The following DNM1 variants were observed in gnomAD, a reference collection of about 807,000 sequenced individuals.
DNM1 encodes the protein dynamin-1.
In DNM1, 29 loss-of-function variants were observed where a neutral mutation model predicts 104.6. The ratio of observed to expected loss-of-function variants is 0.28; its 90% CI spans 0.21 to 0.38. The LOEUF is 0.38. DNM1 is among the 10% of genes least tolerant of loss of function. The probability of loss-of-function intolerance (pLI) is 1.00; values close to 1 mark genes in which losing one functional copy is unlikely to be tolerated. For missense variants in DNM1, 640 were observed against 1,189.4 expected (o/e 0.54, Z 6.79); for synonymous variants, 445 against 475.8 (o/e 0.94, Z 0.84).
chr9:128,251,307 T>G, intron 21 of DNM1: 22 of 406,770 alleles, frequency 5.4e-5, no homozygotes, highest in Non-Finnish European at 8.3e-5. Context: ...TTCCGTCCAA[T>G]TCCTCTCCCA....
intron 9 of DNM1, chr9:128,223,555 C>T (rs1323053733): frequency 6.6e-6 from 1 of 152,330 alleles, no homozygotes; most frequent in South Asian, 2.1e-4. Flanking sequence ...TTCCTGATAA[C>T]TGCACTGGCC....
chr9:128,249,229 G>C (rs990289826), intron 19 of DNM1, among the ~76,000 whole-genome samples: 1 of 151,082 alleles, frequency 6.6e-6, no homozygotes, highest in Non-Finnish European at 1.5e-5. Flanking sequence ...ATAATGAGGG[G>C]CTGTGCACGG....
At chr9:128,213,801 A>G (rs1049455514) in intron 1 of DNM1, among the ~76,000 whole-genome samples, 6 of 152,156 alleles carry the variant, frequency 3.9e-5, no homozygotes, top group African/African-American at 1.4e-4. Flanking sequence ...ATATTGTGAC[A>G]AACAAGTCTA....
At position 128,248,920 on chromosome 9, in the gene DNM1, C is replaced by T. The variant is rs1340242102; in HGVS notation, c.2076+167C>T. Among the ~76,000 whole-genome samples the T allele has an allele frequency of 3.9e-5, 6 of 152,094 alleles. No individual in the cohort carries two copies. Among genetic ancestry groups the T allele is most frequent in the Non-Finnish European group, 8.8e-5 (6 of 68,004 alleles). ...TAGAAATATCATGAGGGGCTGGGCG[C>T]GGTGGCTCACACCTGTAATCCCAGC... On this transcript the variant is annotated intron_variant, in intron 19 of 21. Transcript: ENST00000372923. This position sits in a 1 kb window ranked among gnomAD's most constrained non-coding sequence, Gnocchi z 5.6.
At position 128,253,610 on chromosome 9, in the gene DNM1, C is replaced by G. The variant is rs967170865; in HGVS notation, c.2535-1044C>G. The G allele has an allele frequency of 3.5e-5, 7 of 202,536 alleles. No individual in the cohort carries two copies. The Admixed American group carries it at 3.9e-4, about 11-fold the overall frequency. 12.5% of individuals were successfully genotyped at this position (202,536 alleles called of 1,614,324 possible). ...GCATCCAGCTCCCAGCCTGGGAGTG[C>G]TGAGAGCCAAATCCACCGTAGAGCA... On this transcript the variant is annotated intron_variant, in intron 21 of 21. Coordinates refer to ENST00000372923, the MANE Select transcript of DNM1 (RefSeq NM_004408.4). The surrounding 1 kb of genome is among the most constrained non-coding windows in gnomAD (Gnocchi z 5.9).
intron 11 of DNM1, among the ~76,000 whole-genome samples, chr9:128,238,208 CTGTTTGTTTGTTTGTTTGTT>C (rs59218725): frequency 6.6e-6 from 1 of 151,348 alleles, no homozygotes; most frequent in Non-Finnish European, 1.5e-5. Flanking sequence ...TAAAAAGCCT[CTGTTTGTTTGTTTGTTTGTT>C]TGTTTGTTTG....
At chr9:128,213,974 C>G (rs1332371370) in intron 1 of DNM1, among the ~76,000 whole-genome samples, 1 of 152,032 alleles carries the variant, frequency 6.6e-6, no homozygotes, top group Non-Finnish European at 1.5e-5. Flanking sequence ...CTGGGGGTAG[C>G]CTCACCTCCT....
At chr9:128,208,983 AG>A (rs1290527227) in intron 1 of DNM1, among the ~76,000 whole-genome samples, 3 of 152,106 alleles carry the variant, frequency 2.0e-5, no homozygotes, top group African/African-American at 7.2e-5. Flanking sequence ...TGAAGGATGA[AG>A]GGCAGTGTGG....
At position 128,220,941 on chromosome 9, in the gene DNM1, T is replaced by G. The variant is rs1411118328; in HGVS notation, c.849+600T>G. Reference sequence around the variant, plus strand: ...TCTTTCTTTCTTTCTTTCTTTTCTTTTCTTTCTTTCTTTCCTTTCTTCTTT... The same window carrying G: ...TCTTTCTTTCTTTCTTTCTTTTCTTGTCTTTCTTTCTTTCCTTTCTTCTTT... On this transcript the variant is annotated intron_variant, in intron 6 of 21. Transcript: ENST00000372923. This position sits in a 1 kb window ranked among gnomAD's most constrained non-coding sequence, Gnocchi z 5.2. Among the ~76,000 whole-genome samples, 1 of 139,882 alleles carries G rather than the reference T, an allele frequency of 7.1e-6. No homozygotes were observed. Among genetic ancestry groups the G allele is most frequent in the African/African-American group, 2.6e-5 (1 of 38,756 alleles). 91.8% of individuals were successfully genotyped at this position (139,882 alleles called of 152,430 possible).
At position 128,254,492 on chromosome 9, in the gene DNM1, T is replaced by G. The variant is rs986228898; in HGVS notation, c.2535-162T>G. ...TTCCTCCCCTTTCCCTTCCAGCCCC[T>G]TTTCCAGGAACCTTGCCACACCCAC... On this transcript the variant is annotated intron_variant, in intron 21 of 21. Transcript: ENST00000372923. This position sits in a 1 kb window ranked among gnomAD's most constrained non-coding sequence, Gnocchi z 6.1. The G allele has an allele frequency of 1.6e-5, 24 of 1,509,388 alleles. No homozygotes were observed. The highest frequency in any genetic ancestry group is 2.0e-5 in the Non-Finnish European group (23 of 1,136,970). The allele number at this position is 1,509,388 out of a possible 1,614,324, so 93.5% of individuals were successfully genotyped here.
At position 128,247,702 on chromosome 9, in the gene DNM1, T is replaced by C. The variant is rs1836912258; in HGVS notation, c.1893+216T>C. Among the ~76,000 whole-genome samples the C allele has an allele frequency of 6.6e-6, 1 of 152,230 alleles. No homozygotes were observed. The highest frequency in any genetic ancestry group is 1.5e-5 in the Non-Finnish European group (1 of 68,030). ...TGGCAGTTTTGTGTCTCTGTCTCTG[T>C]TGCAGATGGCATTTCCTCCATCCCC... On this transcript the variant is annotated intron_variant, in intron 17 of 21. Coordinates refer to ENST00000372923, the MANE Select transcript of DNM1 (RefSeq NM_004408.4). This position sits in a 1 kb window ranked among gnomAD's most constrained non-coding sequence, Gnocchi z 5.1.
chr9:128,253,609 G>A lies in DNM1; in HGVS notation c.2535-1045G>A. Reference sequence around the variant, plus strand: ...GGCATCCAGCTCCCAGCCTGGGAGTGCTGAGAGCCAAATCCACCGTAGAGC... The same window carrying A: ...GGCATCCAGCTCCCAGCCTGGGAGTACTGAGAGCCAAATCCACCGTAGAGC... On this transcript the variant is annotated intron_variant, in intron 21 of 21. Transcript: ENST00000372923. This position sits in a 1 kb window ranked among gnomAD's most constrained non-coding sequence, Gnocchi z 5.9. The A allele has an allele frequency of 4.9e-6, 1 of 202,444 alleles. No homozygotes were observed. The highest frequency in any genetic ancestry group is 9.9e-6 in the Non-Finnish European group (1 of 101,174). 12.5% of individuals were successfully genotyped at this position (202,444 alleles called of 1,614,324 possible).
At chr9:128,252,359 C>A in intron 21 of DNM1, 1 of 376,622 alleles carries the variant, frequency 2.7e-6, no homozygotes. Context: ...TTTGGCAAAT[C>A]ATGACCCTAC....
rs562844012 is a variant in DNM1, at chr9:128,220,110, C to A, written c.688+24C>A. ...AGGTAAGCAGGCCATGCCCCTCAACCACTCCCCAGCCCTTCCCCACCCTTC... is the reference window on the plus strand; with the variant it reads ...AGGTAAGCAGGCCATGCCCCTCAACAACTCCCCAGCCCTTCCCCACCCTTC... On this transcript the variant is annotated intron_variant, in intron 5 of 21. Transcript: ENST00000372923. The surrounding 1 kb of genome is among the most constrained non-coding windows in gnomAD (Gnocchi z 5.2). The A allele has an allele frequency of 2.5e-6, 4 of 1,612,726 alleles. No homozygotes were observed. The East Asian group carries it at 8.9e-5, about 36-fold the overall frequency.
chr9:128,246,546 C>T, intron 16 of DNM1, 43 bp downstream of exon 16: 1 of 1,461,882 alleles, frequency 6.8e-7, no homozygotes, highest in Non-Finnish European at 9.6e-7. Flanking sequence ...GCCCCAAAAC[C>T]ACCCTCACTG....
chr9:128,207,147 A>T (rs1834018453), intron 1 of DNM1, among the ~76,000 whole-genome samples: 1 of 152,030 alleles, frequency 6.6e-6, no homozygotes, highest in Non-Finnish European at 1.5e-5. Context: ...GGGAAGAGTA[A>T]GGAGGAGCAG....
chr9:128,224,473 T>A lies in DNM1; in HGVS notation c.1335+84T>A, dbSNP rs1835222762. On this transcript the variant is annotated intron_variant, in intron 10 of 21. Transcript: ENST00000372923. The surrounding 1 kb of genome is among the most constrained non-coding windows in gnomAD (Gnocchi z 4.3). ...GGCGCTCCTTCCCCATGTCCCCCCC[T>A]GCCTCCTCGGTAGCATGTACAGACC... The A allele has an allele frequency of 2.2e-6, 3 of 1,384,632 alleles. No individual in the cohort carries two copies. Among genetic ancestry groups the A allele is most frequent in the Non-Finnish European group, 3.0e-6 (3 of 1,005,530 alleles). 85.8% of individuals were successfully genotyped at this position (1,384,632 alleles called of 1,614,324 possible).
Position 128,254,971 on chromosome 9 carries a change from G to T in DNM1, c.*257G>T. The T allele has an allele frequency of 5.3e-6, 2 of 377,632 alleles. No individual in the cohort carries two copies. The highest frequency in any genetic ancestry group is 7.1e-5 in the South Asian group (2 of 28,042). 23.4% of individuals were successfully genotyped at this position (377,632 alleles called of 1,614,324 possible). ...ACACCTACACATGGCCAACCGCCTCGCCTCTAGCGCTGGGAATCAGTCACT... is the reference window on the plus strand; with the variant it reads ...ACACCTACACATGGCCAACCGCCTCTCCTCTAGCGCTGGGAATCAGTCACT... On this transcript the variant is annotated 3_prime_UTR_variant, in exon 22 of 22. Coordinates refer to ENST00000372923, the MANE Select transcript of DNM1 (RefSeq NM_004408.4). The surrounding 1 kb of genome is among the most constrained non-coding windows in gnomAD (Gnocchi z 6.1).
chr9:128,254,740 C>T lies in DNM1; in HGVS notation c.*26C>T, dbSNP rs375891491. 2.8e-5 allele frequency: 45 copies of T among 1,591,516 alleles called. No individual in the cohort carries two copies. Among genetic ancestry groups the T allele is most frequent in the Non-Finnish European group, 3.5e-5 (41 of 1,175,676 alleles). ...ACAGATCCCTCCTCTTCTCGGAGAC[C>T]TCCCTTTCCAAGCCTGCCTGGACGG... On this transcript the variant is annotated 3_prime_UTR_variant, in exon 22 of 22. Transcript: ENST00000372923. The surrounding 1 kb of genome is among the most constrained non-coding windows in gnomAD (Gnocchi z 6.1).
Sources: allele counts gnomAD v4.1 joint callset (sites outside exome capture counted in the v4.1 genomes callset), GRCh38; gene constraint gnomAD v4.1.1; non-coding constraint Gnocchi (gnomAD v3.1); transcripts MANE v1.5; gene names NCBI Gene and HGNC (gene_info 2026-07-23, HGNC 2026-07-21).